Variants in MOXD1 observed in about 807,000 individuals in gnomAD.
The protein encoded by MOXD1 is monooxygenase DBH like 1.
Under a neutral mutation model 66.6 loss-of-function variants are expected in MOXD1, and 62 were observed. The ratio of observed to expected loss-of-function variants is 0.93; its 90% CI spans 0.76 to 1.15. The LOEUF (loss-of-function observed/expected upper bound fraction) is 1.15. Ranked by LOEUF, MOXD1 falls within the 50% of genes most tolerant of loss-of-function variation. The pLI is 0.00. For missense variants in MOXD1, 847 were observed against 754.6 expected, an observed-to-expected ratio of 1.12 and a Z score of -1.44; for synonymous variants, 303 against 281.9, an observed-to-expected ratio of 1.07 and a Z score of -0.75.
chr6:132,380,187 G>A (rs909529362), intron 1 of MOXD1, among the ~76,000 whole-genome samples: 11 of 152,138 alleles, frequency 7.2e-5, no homozygotes, highest in African/African-American at 2.7e-4. Flanking sequence ...CACACTCCAC[G>A]TTTACATACT....
In MOXD1 at chr6:132,297,869, TTTTTAGTCCA is replaced by T. The variant is rs1363748455; in HGVS notation, c.1585_1594del (p.Trp529ArgfsTer15). The T allele has an allele frequency of 6.2e-7, 1 of 1,613,390 alleles. No homozygotes were observed. The highest frequency in any genetic ancestry group is 2.2e-5 in the East Asian group (1 of 44,858). On this transcript the variant is annotated frameshift_variant, in exon 11 of 12. Transcript: ENST00000367963. LOFTEE classifies it high-confidence loss of function. ...CAGCTTGTTGAAGGAGAGACCTTCCTTTTTAGTCCATTTAAACTTATTCATAGCATCCATG... is the reference window on the plus strand; with the variant it reads ...CAGCTTGTTGAAGGAGAGACCTTCCTTTTAAACTTATTCATAGCATCCATG...
At position 132,346,542 on chromosome 6, in the gene MOXD1, T is replaced by C. The variant is rs1449963773; in HGVS notation, c.664-17948A>G. On this transcript the variant is annotated intron_variant, in intron 4 of 11. Coordinates refer to ENST00000367963, the MANE Select transcript of MOXD1 (RefSeq NM_015529.4). The stretch of plus-strand genomic sequence containing the variant: ...ATTAATAATATTGCTTCATGCAGAA[T>C]TCTATGTTGGTTTTTATCCAAAGGT... Among the ~76,000 whole-genome samples the C allele has an allele frequency of 2.0e-5, 3 of 152,336 alleles. No individual in the cohort carries two copies. In the East Asian group the frequency reaches 5.8e-4, roughly 29 times the overall value.
At chr6:132,300,506 C>T (rs771609117) in intron 10 of MOXD1, among the ~76,000 whole-genome samples, 11 of 152,202 alleles carry the variant, frequency 7.2e-5, no homozygotes, top group Non-Finnish European at 8.8e-5. Flanking sequence ...CAGTCTGTAA[C>T]CATCTGAAAC....
intron 4 of MOXD1, among the ~76,000 whole-genome samples, chr6:132,338,251 T>G (rs1775479661): frequency 6.6e-6 from 1 of 152,194 alleles, no homozygotes; most frequent in African/African-American, 2.4e-5. Context: ...TACTCGTATC[T>G]TTATTAGCAG....
intron 1 of MOXD1, among the ~76,000 whole-genome samples, chr6:132,380,765 T>G (rs1353654453): frequency 6.6e-6 from 1 of 152,242 alleles, no homozygotes; most frequent in Non-Finnish European, 1.5e-5. Context: ...TATTTTCCCA[T>G]TTGCTCTTAA....
At chr6:132,355,625 T>A (rs886080680) in intron 4 of MOXD1, among the ~76,000 whole-genome samples, 2 of 152,176 alleles carry the variant, frequency 1.3e-5, no homozygotes, top group Non-Finnish European at 2.9e-5. Context: ...CTTGTTCAGC[T>A]GAGGCCTCCT....
At chr6:132,342,095 C>T (rs1021238069) in intron 4 of MOXD1, among the ~76,000 whole-genome samples, 5 of 151,314 alleles carry the variant, frequency 3.3e-5, no homozygotes, top group African/African-American at 7.3e-5. Context: ...CTCCACCTCC[C>T]GGATTCAAGC....
intron 4 of MOXD1, among the ~76,000 whole-genome samples, chr6:132,367,715 AAAC>A (rs1262139951): frequency 3.3e-5 from 5 of 152,114 alleles, no homozygotes; most frequent in Admixed American, 2.0e-4. Flanking sequence ...AGTGCTTAAA[AAAC>A]AACAACTCCT....
intron 8 of MOXD1, among the ~76,000 whole-genome samples, chr6:132,322,170 C>T (rs757762804): frequency 6.6e-6 from 1 of 152,230 alleles, no homozygotes; most frequent in Non-Finnish European, 1.5e-5. Flanking sequence ...CTCTCCTTCA[C>T]CATAACCCCA....
intron 8 of MOXD1, among the ~76,000 whole-genome samples, chr6:132,322,296 T>C (rs1263394470): frequency 6.6e-6 from 1 of 152,192 alleles, no homozygotes; most frequent in Admixed American, 6.5e-5. Flanking sequence ...CTTCTAAAAA[T>C]ATCCTATCTC....
At chr6:132,299,870 T>C (rs1774491650) in intron 10 of MOXD1, among the ~76,000 whole-genome samples, 1 of 151,086 alleles carries the variant, frequency 6.6e-6, no homozygotes, top group Admixed American at 6.6e-5. Flanking sequence ...TTAAAATTTA[T>C]TTATGTCATT....
chr6:132,303,749 A>C (rs1464278421), intron 10 of MOXD1, among the ~76,000 whole-genome samples: 2 of 91,362 alleles, frequency 2.2e-5, no homozygotes, highest in African/African-American at 9.2e-5. Context: ...ATTTATACAC[A>C]TGTACATATA....
At chr6:132,392,208 G>A (rs772256234) in intron 1 of MOXD1, 53 of 1,593,992 alleles carry the variant, frequency 3.3e-5, no homozygotes, top group Non-Finnish European at 1.8e-5. Context: ...TCAGTTCCAA[G>A]CACTTCCTCA....
chr6:132,342,996 C>T (rs1044482269), intron 4 of MOXD1, among the ~76,000 whole-genome samples: 1 of 152,104 alleles, frequency 6.6e-6, no homozygotes, highest in African/African-American at 2.4e-5. Flanking sequence ...CTCCACATCA[C>T]AGAACGACAA....
chr6:132,397,500 T>C (rs1776911944), intron 1 of MOXD1, among the ~76,000 whole-genome samples: 1 of 152,152 alleles, frequency 6.6e-6, no homozygotes. Context: ...CTATAAGATA[T>C]ATCCCAGCTG....
intron 10 of MOXD1, among the ~76,000 whole-genome samples, chr6:132,310,061 A>G (rs1197633626): frequency 1.3e-5 from 2 of 152,250 alleles, no homozygotes; most frequent in African/African-American, 4.8e-5. Context: ...CAGATCAAAG[A>G]GACAACCTAC....
chr6:132,396,024 A>C (rs1022482885), intron 1 of MOXD1, among the ~76,000 whole-genome samples: 3 of 152,236 alleles, frequency 2.0e-5, no homozygotes, highest in East Asian at 1.9e-4. Context: ...TTTAAATTAC[A>C]CATTAGACTA....
chr6:132,397,445 C>T (rs1776911049), intron 1 of MOXD1, among the ~76,000 whole-genome samples: 1 of 152,086 alleles, frequency 6.6e-6, no homozygotes, highest in Admixed American at 6.6e-5. Context: ...TGGGTTGATT[C>T]TTTATTAACA....
rs118178463 is a variant in MOXD1, at chr6:132,341,860, G to A, written c.664-13266C>T. On this transcript the variant is annotated intron_variant, in intron 4 of 11. Coordinates refer to ENST00000367963, the MANE Select transcript of MOXD1 (RefSeq NM_015529.4). The stretch of plus-strand genomic sequence containing the variant: ...GCCCTGTTGCTCAGAACTTCTTTCA[G>A]GAGGCAGTACTATGTGGTAGCTTAA... Among the ~76,000 whole-genome samples the A allele has an allele frequency of 2.6e-3, 396 of 152,254 alleles. 1 individual carries two copies. The highest frequency in any genetic ancestry group is 4.2e-3 in the Non-Finnish European group (288 of 68,018).
Sources: gnomAD v4.1 joint callset for allele counts (sites outside exome capture counted in the v4.1 genomes callset) on GRCh38, gnomAD v4.1.1 for gene constraint, MANE v1.5 for transcripts, NCBI Gene and HGNC (gene_info 2026-07-23, HGNC 2026-07-21) for gene names.